GLB1: variants seen among roughly 807,000 people sequenced by gnomAD.
The protein encoded by GLB1 is galactosidase beta 1.
Under a neutral mutation model 74.0 loss-of-function variants are expected in GLB1, and 56 were observed. The ratio of observed to expected loss-of-function variants is 0.76; its 90% CI spans 0.61 to 0.94. GLB1 has a LOEUF of 0.94. GLB1 is among the 40% of genes least tolerant of loss of function. The pLI is 0.00. For synonymous variants in GLB1, 323 were observed against 323.6 expected (o/e 1.00, Z 0.02); for missense variants, 787 against 845.5 (o/e 0.93, Z 0.86).
chr3:33,035,570 G>T (rs909666652), intron 10 of GLB1, among the ~76,000 whole-genome samples: 1 of 152,112 alleles, frequency 6.6e-6, no homozygotes, highest in Non-Finnish European at 1.5e-5. Context: ...TTGAGATGGG[G>T]TTAGTGCCTT....
intron 11 of GLB1, among the ~76,000 whole-genome samples, chr3:33,021,996 C>T (rs13078132): frequency 0.35 from 53,709 of 152,002 alleles, 9,815 homozygotes; most frequent in East Asian, 0.48. Context: ...TGAACACCCC[C>T]GAGTAAAACA....
intron 11 of GLB1, among the ~76,000 whole-genome samples, chr3:33,023,612 GA>G (rs1336429470): frequency 1.3e-5 from 2 of 151,874 alleles, no homozygotes; most frequent in Admixed American, 1.3e-4. Flanking sequence ...TATAAAAGGG[GA>G]AAACCTGAAG....
intron 15 of GLB1, among the ~76,000 whole-genome samples, chr3:33,011,944 A>C (rs1194857493): frequency 6.6e-6 from 1 of 152,184 alleles, no homozygotes; most frequent in Non-Finnish European, 1.5e-5. Context: ...CTGATTCCCA[A>C]GGGCCTCCTT....
intron 9 of GLB1, among the ~76,000 whole-genome samples, chr3:33,047,768 G>C (rs935517810): frequency 2.0e-5 from 3 of 152,194 alleles, no homozygotes; most frequent in Non-Finnish European, 4.4e-5. Flanking sequence ...CAGCTCCAAA[G>C]ACTTTTTCAT....
At chr3:32,987,381 T>C in the GLB1 span, among the ~76,000 whole-genome samples, 103 of 152,358 alleles carry the variant, frequency 6.8e-4, no homozygotes, top group African/African-American at 2.4e-3. Context: ...TGGTTTAAGC[T>C]GAAAGTAGTC....
At chr3:33,058,916 G>A (rs1699332234) in intron 5 of GLB1, among the ~76,000 whole-genome samples, 1 of 152,100 alleles carries the variant, frequency 6.6e-6, no homozygotes, top group Non-Finnish European at 1.5e-5. Context: ...TGTTCAGTTT[G>A]TGCTCAATAA....
chr3:32,969,791 G>T, the GLB1 span, among the ~76,000 whole-genome samples: 4 of 152,188 alleles, frequency 2.6e-5, no homozygotes, highest in Admixed American at 6.5e-5. Flanking sequence ...CATCATTAAG[G>T]CATCATTTCC....
intron 15 of GLB1, among the ~76,000 whole-genome samples, chr3:33,009,768 C>T (rs564552265): frequency 9.2e-5 from 14 of 152,346 alleles, no homozygotes; most frequent in East Asian, 1.9e-4. Context: ...TTAACAGTCA[C>T]GCTCCATTCC....
chr3:33,093,975 G>A lies in GLB1; in HGVS notation c.75+3036C>T. On this transcript the variant is annotated intron_variant, in intron 1 of 15. Coordinates refer to ENST00000307363, the MANE Select transcript of GLB1 (RefSeq NM_000404.4). This position sits in a 1 kb window ranked among gnomAD's most constrained non-coding sequence, Gnocchi z 6.0. ...AAAACAGGTTGACTCTGCAGCTGGGGAGTGGCAGAGGTTGCTCACTGTGCT... is the reference window on the plus strand; with the variant it reads ...AAAACAGGTTGACTCTGCAGCTGGGAAGTGGCAGAGGTTGCTCACTGTGCT... 1.9e-6 allele frequency: 3 copies of A among 1,614,196 alleles called. No individual in the cohort carries two copies. The highest frequency in any genetic ancestry group is 2.5e-6 in the Non-Finnish European group (3 of 1,180,026).
At position 33,065,425 on chromosome 3, in the gene GLB1, C is replaced by T. The variant is rs1284748079; in HGVS notation, c.552+38G>A. Reference sequence around the variant, plus strand: ...TTATGTAATGTAGATGGATGGGAACCCCTCCCCCAATCCATCCATGCTCAA... The same window carrying T: ...TTATGTAATGTAGATGGATGGGAACTCCTCCCCCAATCCATCCATGCTCAA... On this transcript the variant is annotated intron_variant, in intron 5 of 15. Coordinates refer to ENST00000307363, the MANE Select transcript of GLB1 (RefSeq NM_000404.4). 4 of 1,551,442 alleles carry T rather than the reference C, an allele frequency of 2.6e-6. No homozygotes were observed. In the Admixed American group the frequency reaches 5.7e-5, roughly 22 times the overall value.
intron 4 of GLB1, among the ~76,000 whole-genome samples, chr3:33,067,148 A>G (rs1051007302): frequency 2.6e-4 from 40 of 151,754 alleles, no homozygotes; most frequent in Non-Finnish European, 4.4e-4. Context: ...GATTACAGGC[A>G]TGCACCACCA....
Position 33,056,491 on chromosome 3 carries a change from G to A in GLB1, c.733+1598C>T, listed in dbSNP as rs138697793. Among the ~76,000 whole-genome samples the A allele has an allele frequency of 4.8e-4, 73 of 151,292 alleles. No homozygotes were observed. The East Asian group carries it at 0.012, about 25-fold the overall frequency. On this transcript the variant is annotated intron_variant, in intron 6 of 15. Coordinates refer to ENST00000307363, the MANE Select transcript of GLB1 (RefSeq NM_000404.4). ...TGCAGTGGCACAATCACAGCTCACCGCAGCCTTGAACTCGTGGGCTCAAGT... is the reference window on the plus strand; with the variant it reads ...TGCAGTGGCACAATCACAGCTCACCACAGCCTTGAACTCGTGGGCTCAAGT...
At chr3:33,060,733 T>A (rs1045322116) in intron 5 of GLB1, among the ~76,000 whole-genome samples, 4 of 152,204 alleles carry the variant, frequency 2.6e-5, no homozygotes, top group Non-Finnish European at 5.9e-5. Context: ...AAAAGCACAA[T>A]TGCGAGGCAG....
At chr3:33,066,362 C>G (rs939135999) in intron 4 of GLB1, among the ~76,000 whole-genome samples, 1 of 152,134 alleles carries the variant, frequency 6.6e-6, no homozygotes, top group Non-Finnish European at 1.5e-5. Context: ...GGGAATGGGA[C>G]TGGTGGCTTT....
At chr3:33,005,111 T>C (rs776665469) in intron 15 of GLB1, among the ~76,000 whole-genome samples, 4 of 152,140 alleles carry the variant, frequency 2.6e-5, no homozygotes, top group Non-Finnish European at 5.9e-5. Flanking sequence ...TAGCTGGGAC[T>C]GCAGGTGCCA....
At position 33,014,582 on chromosome 3, in the gene GLB1, A is replaced by G. The variant is rs75119558; in HGVS notation, c.1480-272T>C. On this transcript the variant is annotated intron_variant, in intron 14 of 15. Transcript: ENST00000307363. Reference sequence around the variant, plus strand: ...GCCCAGAGTTTCTGCTTCTACAGAAAGGGCATTGAGTTGCTAGAGTGATTG... The same window carrying G: ...GCCCAGAGTTTCTGCTTCTACAGAAGGGGCATTGAGTTGCTAGAGTGATTG... Among the ~76,000 whole-genome samples the G allele has an allele frequency of 0.02, 3,084 of 152,312 alleles. 110 individuals are homozygous for G. The highest frequency in any genetic ancestry group is 0.068 in the African/African-American group (2,838 of 41,558).
At chr3:33,072,878 T>C (rs906147329) in intron 1 of GLB1, among the ~76,000 whole-genome samples, 165 bp from the exon 2 acceptor site, 1 of 152,148 alleles carries the variant, frequency 6.6e-6, no homozygotes, top group Non-Finnish European at 1.5e-5. Context: ...CTAAGCCAGG[T>C]CCACCAGGGG....
chr3:33,036,857 G>C (rs1038235629), intron 10 of GLB1, among the ~76,000 whole-genome samples: 4 of 152,140 alleles, frequency 2.6e-5, no homozygotes, highest in Admixed American at 2.0e-4. Flanking sequence ...GCTACTAGAA[G>C]CTGAGGAGAG....
intron 15 of GLB1, among the ~76,000 whole-genome samples, chr3:33,012,953 T>C (rs1357829776): frequency 6.6e-6 from 1 of 152,228 alleles, no homozygotes; most frequent in African/African-American, 2.4e-5. Context: ...TAAGTGTCCT[T>C]ACCCAAACCA....
Sources: allele counts gnomAD v4.1 joint callset (sites outside exome capture counted in the v4.1 genomes callset), GRCh38; gene constraint gnomAD v4.1.1; non-coding constraint Gnocchi (gnomAD v3.1); transcripts MANE v1.5; gene names NCBI Gene and HGNC (gene_info 2026-07-23, HGNC 2026-07-21).